DDX31: variants seen among roughly 807,000 people sequenced by gnomAD.
DDX31 encodes the protein ATP-dependent DNA helicase DDX31.
DDX31 carries 70 observed loss-of-function variants against 91.3 expected under a neutral mutation model. The ratio of observed to expected loss-of-function variants is 0.77; its 90% CI spans 0.63 to 0.94. The LOEUF (loss-of-function observed/expected upper bound fraction) is 0.94, where lower values mean the gene tolerates loss of function less well. Among genes scored for constraint, DDX31 ranks in the 40% least tolerant of loss-of-function variants. DDX31 has a pLI of 0.00. For synonymous variants in DDX31, 362 were observed against 350.6 expected (o/e 1.03, Z -0.36); for missense variants, 902 against 925.0 (o/e 0.98, Z 0.32).
At chr9:132,652,353 C>T in intron 7 of DDX31, 95 bp downstream of exon 7, 1 of 1,421,992 alleles carries the variant, frequency 7.0e-7, no homozygotes, top group Non-Finnish European at 9.7e-7. Flanking sequence ...GTGGCTTGTG[C>T]AGTAGGGAGA....
In DDX31 at chr9:132,630,413, G is replaced by A; in HGVS notation, c.1492-10C>T. Reference sequence around the variant, plus strand: ...AAGATGGAGCGTTGTACTAAAAAGGGTAACAAAAATGAAGGCATTCATAGA... The same window carrying A: ...AAGATGGAGCGTTGTACTAAAAAGGATAACAAAAATGAAGGCATTCATAGA... On this transcript the variant is annotated splice_polypyrimidine_tract_variant and intron_variant, in intron 15 of 19. Transcript: ENST00000372159. 1 of 1,576,252 alleles carries A rather than the reference G, an allele frequency of 6.3e-7. No homozygotes were observed. The highest frequency in any genetic ancestry group is 8.7e-7 in the Non-Finnish European group (1 of 1,151,036).
intron 13 of DDX31, among the ~76,000 whole-genome samples, chr9:132,644,504 C>A (rs1179115848): frequency 6.6e-6 from 1 of 152,166 alleles, no homozygotes; most frequent in Admixed American, 6.5e-5. Context: ...CAGGACAAGA[C>A]CACAAGCAGG....
In DDX31 at chr9:132,663,358, CA is replaced by C. The variant is rs1262077203; in HGVS notation, c.76-664del. 5 of 1,279,686 alleles carry C rather than the reference CA, an allele frequency of 3.9e-6. No homozygotes were observed. The African/African-American group carries it at 6.1e-5, about 16-fold the overall frequency. 79.3% of individuals were successfully genotyped at this position (1,279,686 alleles called of 1,614,324 possible). On this transcript the variant is annotated intron_variant, in intron 1 of 19. Coordinates refer to ENST00000372159, the MANE Select transcript of DDX31 (RefSeq NM_022779.9). ...GCTGCTCCATCCATCACCTCTACCACAATTACTTCCTACCTCCCTTGCCTTT... is the reference window on the plus strand; with the variant it reads ...GCTGCTCCATCCATCACCTCTACCACATTACTTCCTACCTCCCTTGCCTTT...
In DDX31 at chr9:132,645,991, G is replaced by C. The variant is rs141002758; in HGVS notation, c.1284C>G (p.Thr428=). ...VEFHYSLFLQ[T]LLSSSGAPAS... ...CCGGCGCCCCTGAGCTGCTCAGCAG[G>C]GTCTGTAGGAAGAGGCTGTAGTGGA... The change falls in exon 13 of 20, where the codon ACC becomes ACG. Residue 428 remains threonine, a synonymous_variant. Coordinates refer to ENST00000372159, the MANE Select transcript of DDX31 (RefSeq NM_022779.9). 2.0e-3 allele frequency: 3,149 copies of C among 1,614,058 alleles called. 2 individuals are homozygous for C. The highest frequency in any genetic ancestry group is 2.4e-3 in the Non-Finnish European group (2,885 of 1,179,990).
At chr9:132,630,435 T>C (rs778512898) in intron 15 of DDX31, 32 bp from the exon 16 acceptor site, 17 of 1,568,762 alleles carry the variant, frequency 1.1e-5, no homozygotes, top group Admixed American at 1.7e-5. Flanking sequence ...AAGGCATTCA[T>C]AGATCAAGGG....
At chr9:132,611,256 GAA>G (rs1431761973) in intron 19 of DDX31, among the ~76,000 whole-genome samples, 4 of 152,082 alleles carry the variant, frequency 2.6e-5, no homozygotes, top group Admixed American at 1.3e-4. Flanking sequence ...GGACAGGTGA[GAA>G]AAAAAGTCTC....
Position 132,625,718 on chromosome 9 carries a change from A to C in DDX31, c.1659T>G (p.Ile553Met), listed in dbSNP as rs775203733. The C allele has an allele frequency of 1.9e-6, 3 of 1,613,870 alleles. No individual in the cohort carries two copies. Among genetic ancestry groups the C allele is most frequent in the Non-Finnish European group, 2.5e-6 (3 of 1,179,956 alleles). ...INVSEIKMED[I>M]LCVLTRDDCF... ...AATCATCTCTTGTCAGAACACACAA[A>C]ATATCTTCCATCTTAATCTCAGAAA... Residue 553 changes from isoleucine to methionine, a missense_variant, in exon 17 of 20, where the codon ATT becomes ATG. By Grantham distance (10) the Ile-to-Met change is conservative. Coordinates refer to ENST00000372159, the MANE Select transcript of DDX31 (RefSeq NM_022779.9).
chr9:132,601,087 G>A (rs545611004), intron 19 of DDX31, among the ~76,000 whole-genome samples: 2 of 152,328 alleles, frequency 1.3e-5, no homozygotes, highest in East Asian at 3.9e-4. Flanking sequence ...AGAAGGACCA[G>A]CTTGAGGCAG....
intron 17 of DDX31, among the ~76,000 whole-genome samples, chr9:132,624,539 ATGTGC>A (rs1215230158): frequency 1.3e-5 from 2 of 152,228 alleles, no homozygotes; most frequent in Non-Finnish European, 2.9e-5. Context: ...AGTTAAATAT[ATGTGC>A]TTTGAAGTTA....
intron 6 of DDX31, among the ~76,000 whole-genome samples, chr9:132,654,831 A>C (rs956380054): frequency 6.6e-6 from 1 of 151,004 alleles, no homozygotes; most frequent in African/African-American, 2.4e-5. Context: ...CTGTAATCCC[A>C]GCTGCTTGGG....
intron 6 of DDX31, 50 bp from the exon 7 acceptor site, chr9:132,652,542 A>C (rs1355712819): frequency 1.2e-6 from 2 of 1,610,860 alleles, no homozygotes; most frequent in Non-Finnish European, 1.7e-6. Flanking sequence ...ACAAAGGCAG[A>C]CTCCAAACGG....
At chr9:132,641,894 T>A in intron 14 of DDX31, 110 bp downstream of exon 14, 5 of 1,123,872 alleles carry the variant, frequency 4.4e-6, no homozygotes, top group Non-Finnish European at 6.6e-6. Context: ...GCCCCTAGTG[T>A]TCCTGGGCCC....
rs762390238 is a variant in DDX31, at chr9:132,594,992, C to T, written c.2115G>A (p.Glu705=). Residue 705 remains glutamate (E), a synonymous_variant, in exon 20 of 20, where the codon GAG becomes GAA. Transcript: ENST00000372159. The part of the protein sequence containing the change: ...AKVKKQNAPG[E]PGGRPLQHSL... ...TGTGCTGCAGGGGCCGGCCACCAGG[C>T]TCTCCAGGTGCGTTTTGCTTTTTGA... is the stretch of plus-strand genomic sequence containing the variant. 1 of 1,614,098 alleles carries T rather than the reference C, an allele frequency of 6.2e-7. No individual in the cohort carries two copies. The highest frequency in any genetic ancestry group is 1.3e-5 in the African/African-American group (1 of 74,938).
At chr9:132,652,425 G>C in intron 7 of DDX31, 23 bp downstream of exon 7, 2 of 1,614,010 alleles carry the variant, frequency 1.2e-6, no homozygotes, top group African/African-American at 2.7e-5. Context: ...CTTAAAACTT[G>C]TCCCAAAAGG....
intron 8 of DDX31, among the ~76,000 whole-genome samples, chr9:132,650,840 C>G (rs572332015): frequency 1.3e-5 from 2 of 152,302 alleles, no homozygotes; most frequent in South Asian, 4.1e-4. Flanking sequence ...TTGCTAGTGA[C>G]TATGATGAAC....
intron 19 of DDX31, among the ~76,000 whole-genome samples, chr9:132,604,863 G>C (rs1589966862): frequency 6.6e-6 from 1 of 152,166 alleles, no homozygotes; most frequent in Non-Finnish European, 1.5e-5. Context: ...AGGTGGGGTG[G>C]AGGCCCCACT....
In DDX31 at chr9:132,630,248, C is replaced by A; in HGVS notation, c.1631+16G>T. 1 of 1,565,010 alleles carries A rather than the reference C, an allele frequency of 6.4e-7. No homozygotes were observed. The highest frequency in any genetic ancestry group is 1.2e-5 in the South Asian group (1 of 86,180). On this transcript the variant is annotated intron_variant, in intron 16 of 19. Transcript: ENST00000372159. ...AGGTGAGACCAGCCGAAACCCCATT[C>A]AGGTTTCTGACTCACTTGATTTTGT...
At chr9:132,656,774 C>A (rs574598603) in intron 6 of DDX31, among the ~76,000 whole-genome samples, 1 of 152,314 alleles carries the variant, frequency 6.6e-6, no homozygotes, top group South Asian at 2.1e-4. Context: ...AGTCCAAACT[C>A]TTCAACTGGT....
At position 132,658,442 on chromosome 9, in the gene DDX31, C is replaced by T. The variant is rs141922491; in HGVS notation, c.588+229G>A. The T allele has an allele frequency of 4.3e-6, 3 of 692,372 alleles. No individual in the cohort carries two copies. The East Asian group carries it at 8.1e-5, about 19-fold the overall frequency. 42.9% of individuals were successfully genotyped at this position (692,372 alleles called of 1,614,324 possible). On this transcript the variant is annotated intron_variant, in intron 6 of 19. Coordinates refer to ENST00000372159, the MANE Select transcript of DDX31 (RefSeq NM_022779.9). ...ATCATGCCTGACACACGGGGAGCAT[C>T]TTACAAAGCTTCCCTGTTACACTTA...
Sources: gnomAD v4.1 joint callset for allele counts (sites outside exome capture counted in the v4.1 genomes callset) on GRCh38, gnomAD v4.1.1 for gene constraint, MANE v1.5 for transcripts, NCBI Gene and HGNC (gene_info 2026-07-23, HGNC 2026-07-21) for gene names.